GFOD1: variants seen among roughly 807,000 people sequenced by gnomAD.
GFOD1 encodes glucose-fructose oxidoreductase domain-containing protein 1.
Under a neutral mutation model 25.4 loss-of-function variants are expected in GFOD1, and 9 were observed. That is an observed-to-expected ratio of 0.35 (90% CI 0.21 to 0.62). The LOEUF is 0.62. Among genes scored for constraint, GFOD1 ranks in the 20% least tolerant of loss-of-function variants. The pLI is 0.72. For synonymous variants in GFOD1, 253 were observed against 245.6 expected (o/e 1.03, Z -0.28); for missense variants, 403 against 556.9 (o/e 0.72, Z 2.78).
intron 1 of GFOD1, among the ~76,000 whole-genome samples, chr6:13,421,382 C>T (rs879913739): frequency 6.6e-6 from 1 of 151,952 alleles, no homozygotes; most frequent in African/African-American, 2.4e-5. Flanking sequence ...TAGTCCCAGC[C>T]ACTCTGGAGG....
intron 1 of GFOD1, among the ~76,000 whole-genome samples, chr6:13,467,195 A>G (rs1758393499): frequency 6.6e-6 from 1 of 152,210 alleles, no homozygotes; most frequent in Admixed American, 6.5e-5. Flanking sequence ...AAAAATATTT[A>G]CCAAATTAAA....
At chr6:13,481,447 A>G (rs958857869) in intron 1 of GFOD1, among the ~76,000 whole-genome samples, 12 of 152,182 alleles carry the variant, frequency 7.9e-5, no homozygotes, top group Admixed American at 4.6e-4. Context: ...CCATCCAAGA[A>G]GTGGGAGAGA....
At chr6:13,445,693 C>A (rs1030626556) in intron 1 of GFOD1, among the ~76,000 whole-genome samples, 9 of 152,186 alleles carry the variant, frequency 5.9e-5, no homozygotes, top group African/African-American at 1.9e-4. Flanking sequence ...TCCCTTATTT[C>A]TGCAGAATCA....
chr6:13,412,645 G>A (rs1786098584), intron 1 of GFOD1, among the ~76,000 whole-genome samples: 1 of 152,212 alleles, frequency 6.6e-6, no homozygotes, highest in Non-Finnish European at 1.5e-5. Context: ...TGTTACTCCA[G>A]GGGTGTCGAC....
chr6:13,397,940 T>A (rs1270218047), intron 1 of GFOD1, among the ~76,000 whole-genome samples: 1 of 152,230 alleles, frequency 6.6e-6, no homozygotes, highest in African/African-American at 2.4e-5. Context: ...CATCCCCAGA[T>A]ACTCCCTCTA....
intron 1 of GFOD1, among the ~76,000 whole-genome samples, chr6:13,467,598 T>C (rs1243329103): frequency 6.6e-6 from 1 of 152,192 alleles, no homozygotes; most frequent in African/African-American, 2.4e-5. Flanking sequence ...ATGTTGCAAT[T>C]GTACATTTTC....
chr6:13,384,551 C>T (rs1785428062), intron 1 of GFOD1, among the ~76,000 whole-genome samples: 2 of 152,318 alleles, frequency 1.3e-5, no homozygotes, highest in African/African-American at 4.8e-5. Context: ...TTTGGTGTCT[C>T]CTCTGCATAC....
intron 1 of GFOD1, among the ~76,000 whole-genome samples, chr6:13,455,210 C>T (rs544540553): frequency 2.2e-4 from 33 of 152,248 alleles, no homozygotes; most frequent in African/African-American, 6.3e-4. Context: ...GAGCAATACA[C>T]CCAGAGAGGT....
At chr6:13,413,957 A>G (rs1157511789) in intron 1 of GFOD1, among the ~76,000 whole-genome samples, 1 of 152,254 alleles carries the variant, frequency 6.6e-6, no homozygotes, top group African/African-American at 2.4e-5. Flanking sequence ...CAAGCCCCTA[A>G]GACTCTCCCA....
At chr6:13,435,521 T>G (rs1349248645) in intron 1 of GFOD1, among the ~76,000 whole-genome samples, 2 of 152,184 alleles carry the variant, frequency 1.3e-5, no homozygotes, top group African/African-American at 4.8e-5. Context: ...ATACCAGTCA[T>G]GGGCACCATC....
chr6:13,374,938 T>C (rs1193029508), intron 1 of GFOD1, among the ~76,000 whole-genome samples: 1 of 151,974 alleles, frequency 6.6e-6, no homozygotes, highest in African/African-American at 2.4e-5. Context: ...AGACAGGATT[T>C]CTCCATGTTG....
intron 1 of GFOD1, among the ~76,000 whole-genome samples, chr6:13,367,496 A>T (rs2127555055): frequency 1.3e-5 from 2 of 152,250 alleles, no homozygotes; most frequent in Admixed American, 1.3e-4. Context: ...AGGGTGGGGT[A>T]TGTTGCTTTT....
rs114342764 is a variant in GFOD1 at position 13,393,537 on chromosome 6, G to A, written c.254-27875C>T. Among the ~76,000 whole-genome samples the A allele has an allele frequency of 2.4e-3, 366 of 151,956 alleles. 3 individuals are homozygous for A. Among genetic ancestry groups the A allele is most frequent in the African/African-American group, 8.5e-3 (354 of 41,462 alleles). ...CAGCTCCTGTAGAGCTCTCCATCAC[G>A]GTACCATAACAGGGGTTCCTGAAAA... On this transcript the variant is annotated intron_variant, in intron 1 of 1. Transcript: ENST00000379287.
At chr6:13,486,612 G>A (rs1335149096) in intron 1 of GFOD1, 26 bp downstream of exon 1, 9 of 1,599,846 alleles carry the variant, frequency 5.6e-6, no homozygotes, top group African/African-American at 2.7e-5. Flanking sequence ...GGGTGGGACG[G>A]AGGATGCGGG....
In GFOD1 at chr6:13,385,297, C is replaced by A. The variant is rs151163855; in HGVS notation, c.254-19635G>T. ...AGGAGAGATTCCACCCAGGTACCTG[C>A]CCCCATGGAGCTCTGGTCCTACTAA... On this transcript the variant is annotated intron_variant, in intron 1 of 1. Coordinates refer to ENST00000379287, the MANE Select transcript of GFOD1 (RefSeq NM_018988.4). 7.3e-3 allele frequency among the ~76,000 whole-genome samples: 1,112 copies of A among 152,278 alleles called. 3 individuals carry two copies. The highest frequency in any genetic ancestry group is 9.8e-3 in the Non-Finnish European group (667 of 68,016).
At chr6:13,409,935 A>AG (rs1397461700) in intron 1 of GFOD1, among the ~76,000 whole-genome samples, 396 of 36,584 alleles carry the variant, frequency 0.011, 4 homozygotes, top group Middle Eastern at 0.025. Context: ...AAAAAAAAAA[A>AG]AAAAAGAAAG....
At chr6:13,396,103 C>T (rs933513909) in intron 1 of GFOD1, among the ~76,000 whole-genome samples, 1 of 152,164 alleles carries the variant, frequency 6.6e-6, no homozygotes, top group Non-Finnish European at 1.5e-5. Flanking sequence ...TGTAATCACC[C>T]ATGTGAACTA....
chr6:13,382,690 C>T lies in GFOD1; in HGVS notation c.254-17028G>A, dbSNP rs140138049. 4.0e-3 allele frequency among the ~76,000 whole-genome samples: 611 copies of T among 152,224 alleles called. 1 individual carries two copies. Among genetic ancestry groups the T allele is most frequent in the Non-Finnish European group, 5.5e-3 (376 of 68,010 alleles). On this transcript the variant is annotated intron_variant, in intron 1 of 1. Coordinates refer to ENST00000379287, the MANE Select transcript of GFOD1 (RefSeq NM_018988.4). ...AAATTTTATTTTAAGTTCCAGGGTA[C>T]ATGTGCAGAATGTGCAGGTTTGTTA...
chr6:13,457,515 C>T (rs1203800110), intron 1 of GFOD1, among the ~76,000 whole-genome samples: 1 of 152,136 alleles, frequency 6.6e-6, no homozygotes. Context: ...ACACTGATCC[C>T]GACATGTCAC....
Sources: gnomAD v4.1 joint callset for allele counts (sites outside exome capture counted in the v4.1 genomes callset) on GRCh38, gnomAD v4.1.1 for gene constraint, MANE v1.5 for transcripts, NCBI Gene and HGNC (gene_info 2026-07-23, HGNC 2026-07-21) for gene names.